Variants in VPS16 observed in about 807,000 individuals in gnomAD.
VPS16 encodes the protein vacuolar protein sorting-associated protein 16 homolog.
In VPS16, 82 loss-of-function variants were observed where a neutral mutation model predicts 116.0. The ratio of observed to expected loss-of-function variants is 0.71; its 90% CI spans 0.59 to 0.85. The LOEUF is 0.85. VPS16 is among the 40% of genes least tolerant of loss of function. VPS16 has a pLI of 0.00. For missense variants in VPS16, 928 were observed against 1,090.6 expected, an observed-to-expected ratio of 0.85 and a Z score of 2.10; for synonymous variants, 406 against 420.7, an observed-to-expected ratio of 0.96 and a Z score of 0.43.
intron 1 of VPS16, among the ~76,000 whole-genome samples, chr20:2,853,698 A>C (rs2146655181): frequency 6.6e-6 from 1 of 152,084 alleles, no homozygotes; most frequent in South Asian, 2.1e-4. Flanking sequence ...TTTGGGACGA[A>C]GTCTCATTCT....
chr20:2,842,338 A>G (rs1445544771), intron 1 of VPS16, among the ~76,000 whole-genome samples: 1 of 151,810 alleles, frequency 6.6e-6, no homozygotes, highest in Non-Finnish European at 1.5e-5. Flanking sequence ...ATTTTAGGCC[A>G]GGCGCAGTGG....
intron 1 of VPS16, among the ~76,000 whole-genome samples, chr20:2,842,672 CTATA>C (rs1231159705): frequency 4.9e-4 from 68 of 139,332 alleles, no homozygotes; most frequent in East Asian, 2.1e-3. Flanking sequence ...ATAGATGTAT[CTATA>C]TATATATAGA....
chr20:2,847,668 G>A (rs893392647), intron 1 of VPS16, among the ~76,000 whole-genome samples: 2 of 151,992 alleles, frequency 1.3e-5, no homozygotes, highest in East Asian at 3.9e-4. Flanking sequence ...TAGTAGAGAC[G>A]AGGTTTCACC....
chr20:2,852,653 T>C (rs2089133492), intron 1 of VPS16, among the ~76,000 whole-genome samples: 1 of 152,248 alleles, frequency 6.6e-6, no homozygotes, highest in Non-Finnish European at 1.5e-5. Context: ...ATAAAAGTTT[T>C]ATGTTTACAG....
intron 12 of VPS16, 30 bp from the exon 13 acceptor site, chr20:2,862,777 T>C (rs1400609648): frequency 1.2e-6 from 2 of 1,613,034 alleles, no homozygotes; most frequent in Non-Finnish European, 1.7e-6. Flanking sequence ...GCAGGGAAGC[T>C]CTCTCCTATC....
In VPS16 at chr20:2,864,296, A is replaced by G; in HGVS notation, c.1720+9A>G. On this transcript the variant is annotated intron_variant, in intron 17 of 23. Transcript: ENST00000380445. The surrounding 1 kb of genome is among the most constrained non-coding windows in gnomAD (Gnocchi z 5.2). ...CGGGGACACTGACCTGGGTGAGGGCAAGGCTGGGGGGCCCCTGGGCTAAGT... is the reference window on the plus strand; with the variant it reads ...CGGGGACACTGACCTGGGTGAGGGCGAGGCTGGGGGGCCCCTGGGCTAAGT... 1 of 1,614,040 alleles carries G rather than the reference A, an allele frequency of 6.2e-7. No individual in the cohort carries two copies. Among genetic ancestry groups the G allele is most frequent in the Non-Finnish European group, 8.5e-7 (1 of 1,179,972 alleles).
In VPS16 at chr20:2,866,192, C is replaced by T; in HGVS notation, c.2272-20C>T. 1 of 1,612,622 alleles carries T rather than the reference C, an allele frequency of 6.2e-7. No individual in the cohort carries two copies. The stretch of plus-strand genomic sequence containing the variant: ...GGCTGTGCATTACCTTCTCCCTCCA[C>T]CCGCTTCCTCTCCTCCAAGCCTTTT... On this transcript the variant is annotated intron_variant, in intron 22 of 23. Transcript: ENST00000380445.
At chr20:2,853,792 C>T (rs1005627011) in intron 1 of VPS16, among the ~76,000 whole-genome samples, 6 of 152,076 alleles carry the variant, frequency 3.9e-5, no homozygotes, top group Admixed American at 1.3e-4. Context: ...CCTGCCTCAG[C>T]TTACTGATTA....
At chr20:2,856,389 C>T (rs544078747) in intron 1 of VPS16, among the ~76,000 whole-genome samples, 21 of 152,180 alleles carry the variant, frequency 1.4e-4, no homozygotes, top group African/African-American at 4.8e-4. Context: ...TGGAATATTG[C>T]GAGAATTACC....
chr20:2,848,508 C>G (rs2089084599), intron 1 of VPS16, among the ~76,000 whole-genome samples: 3 of 152,188 alleles, frequency 2.0e-5, no homozygotes, highest in Admixed American at 1.3e-4. Context: ...GGAGATAACA[C>G]CATATAATCA....
In VPS16 at chr20:2,842,808, GTATC is replaced by G. The variant is rs745980200; in HGVS notation, c.53+1989_53+1992del. 2.2e-4 allele frequency among the ~76,000 whole-genome samples: 26 copies of G among 119,452 alleles called. 1 individual carries two copies. Among genetic ancestry groups the G allele is most frequent in the South Asian group, 2.7e-4 (1 of 3,722 alleles). 78.4% of individuals were successfully genotyped at this position (119,452 alleles called of 152,430 possible). A position where few individuals can be genotyped will look rare whatever the true frequency, so the allele number is the denominator to read the frequency against. ...TCTATCTATAGATAGACATATAGAT[GTATC>G]TATCTATAGATAGACATATAGATGT... On this transcript the variant is annotated intron_variant, in intron 1 of 23. Transcript: ENST00000380445.
rs781247421 is a variant in VPS16 at position 2,864,124 on chromosome 20, G to T, written c.1611+41G>T. 1 of 1,613,806 alleles carries T rather than the reference G, an allele frequency of 6.2e-7. No homozygotes were observed. The highest frequency in any genetic ancestry group is 1.3e-5 in the African/African-American group (1 of 75,062). Reference sequence around the variant, plus strand: ...CCTCCACAGACACTCTGATGTGGTTGTTCAGGGCCCCCATGCCAGCTCCTT... The same window carrying T: ...CCTCCACAGACACTCTGATGTGGTTTTTCAGGGCCCCCATGCCAGCTCCTT... On this transcript the variant is annotated intron_variant, in intron 16 of 23. Transcript: ENST00000380445. The surrounding 1 kb of genome is among the most constrained non-coding windows in gnomAD (Gnocchi z 5.2).
chr20:2,865,038 A>G lies in VPS16; in HGVS notation c.1987A>G (p.Asn663Asp), dbSNP rs2089307297. ...CGCCGATGCCTTCTACAAGGCCAAG[A>G]ATGAGTTTGCAGCCAAGGTTTGGCC... is the stretch of plus-strand genomic sequence containing the variant. Reference protein sequence around the residue: ...TAADAFYKAKNEFAAKATEDQ... With the variant: ...TAADAFYKAKDEFAAKATEDQ... The change falls in exon 20 of 24, where the codon AAT becomes GAT. Residue 663 changes from asparagine (N) to aspartate (D), a missense_variant. By Grantham distance (23) the Asn-to-Asp change is conservative (BLOSUM62 1). Transcript: ENST00000380445. This position sits in a 1 kb window ranked among gnomAD's most constrained non-coding sequence, Gnocchi z 5.2. The G allele has an allele frequency of 2.5e-6, 4 of 1,614,106 alleles. No homozygotes were observed. The highest frequency in any genetic ancestry group is 3.4e-6 in the Non-Finnish European group (4 of 1,180,024).
intron 22 of VPS16, chr20:2,866,002 TCTGA>T: frequency 1.7e-6 from 1 of 589,824 alleles, no homozygotes; most frequent in Non-Finnish European, 3.0e-6. Flanking sequence ...GTCTCAAGTC[TCTGA>T]CAGAGCTTTG....
chr20:2,848,342 C>T (rs914336307), intron 1 of VPS16, among the ~76,000 whole-genome samples: 31 of 152,292 alleles, frequency 2.0e-4, no homozygotes, highest in African/African-American at 7.0e-4. Context: ...CTCTTGGGCT[C>T]AGGTGATCCA....
chr20:2,842,951 TCTTA>T (rs1231678985), intron 1 of VPS16, among the ~76,000 whole-genome samples: 1 of 149,796 alleles, frequency 6.7e-6, no homozygotes, highest in African/African-American at 2.5e-5. Context: ...TGCATGGGGG[TCTTA>T]CTTAAATAGA....
In VPS16 at chr20:2,865,044, T is replaced by C; in HGVS notation, c.1993T>C (p.Phe665Leu). Residue 665 changes from phenylalanine (F) to leucine (L), a missense_variant, in exon 20 of 24, where the codon TTT (phenylalanine) becomes CTT (leucine). Physicochemically the swap from Phe to Leu is conservative, Grantham distance 22 (BLOSUM62 0). Transcript: ENST00000380445. The surrounding 1 kb of genome is among the most constrained non-coding windows in gnomAD (Gnocchi z 5.2). ...ADAFYKAKNE[F>L]AAKATEDQMR... ...TGCCTTCTACAAGGCCAAGAATGAG[T>C]TTGCAGCCAAGGTTTGGCCCACCTT... 1 of 1,614,088 alleles carries C rather than the reference T, an allele frequency of 6.2e-7. No individual in the cohort carries two copies. Among genetic ancestry groups the C allele is most frequent in the Non-Finnish European group, 8.5e-7 (1 of 1,180,000 alleles).
intron 1 of VPS16, among the ~76,000 whole-genome samples, chr20:2,854,266 A>ACACACACACACACACACAC (rs1568624871): frequency 6.5e-5 from 4 of 61,970 alleles, no homozygotes; most frequent in African/African-American, 6.2e-4. Flanking sequence ...CACACACACA[A>ACACACACACACACACACAC]ATTTTTTAGC....
At position 2,849,037 on chromosome 20, in the gene VPS16, G is replaced by A. The variant is rs920950949; in HGVS notation, c.53+8210G>A. Among the ~76,000 whole-genome samples, 9 of 152,172 alleles carry A rather than the reference G, an allele frequency of 5.9e-5. No homozygotes were observed. The East Asian group carries it at 1.7e-3, about 29-fold the overall frequency. Reference sequence around the variant, plus strand: ...AGGTTAGCAGGGCTTTCAAGGAAAAGCTAGTCTCCTTGGAGACAGGAAGGC... The same window carrying A: ...AGGTTAGCAGGGCTTTCAAGGAAAAACTAGTCTCCTTGGAGACAGGAAGGC... On this transcript the variant is annotated intron_variant, in intron 1 of 23. Transcript: ENST00000380445.
Sources: gnomAD v4.1 joint callset for allele counts (sites outside exome capture counted in the v4.1 genomes callset) on GRCh38, gnomAD v4.1.1 for gene constraint, Gnocchi (gnomAD v3.1) non-coding constraint, MANE v1.5 for transcripts, NCBI Gene and HGNC (gene_info 2026-07-23, HGNC 2026-07-21) for gene names.